The following IARS1 variants were observed in gnomAD, a reference collection of about 807,000 sequenced individuals.
IARS1 encodes isoleucine--tRNA ligase, cytoplasmic.
IARS1 carries 124 observed loss-of-function variants against 168.2 expected under a neutral mutation model. That is an observed-to-expected ratio of 0.74 (90% CI 0.64 to 0.86). The LOEUF (loss-of-function observed/expected upper bound fraction) is 0.86. IARS1 is among the 40% of genes least tolerant of loss of function. The pLI, the probability that IARS1 is intolerant of heterozygous loss-of-function variation, is 0.00. For synonymous variants in IARS1, 532 were observed against 529.4 expected, an observed-to-expected ratio of 1.00 and a Z score of -0.07; for missense variants, 1,452 against 1,515.8, an observed-to-expected ratio of 0.96 and a Z score of 0.70.
chr9:92,253,756 A>G (rs2133733546), intron 20 of IARS1: 2 of 511,116 alleles, frequency 3.9e-6, no homozygotes, highest in South Asian at 3.1e-5. Context: ...AAGACTGCCC[A>G]CTACACAACT....
intron 31 of IARS1, among the ~76,000 whole-genome samples, chr9:92,227,404 TCCCGGACAGGGCGGC>T (rs1825880911): frequency 7.1e-6 from 1 of 140,746 alleles, no homozygotes; most frequent in Non-Finnish European, 1.6e-5. Context: ...GCCCCTCACC[TCCCGGACAGGGCGGC>T]TGGCCGGGCG....
In IARS1 at chr9:92,223,262, C is replaced by G. The variant is rs1839920076; in HGVS notation, c.3553+84G>C. Reference sequence around the variant, plus strand: ...CTTTAAAGCAATACTTTGAAGCCGACTAGAAATACACACATATTTGAATAT... The same window carrying G: ...CTTTAAAGCAATACTTTGAAGCCGAGTAGAAATACACACATATTTGAATAT... On this transcript the variant is annotated intron_variant, in intron 32 of 33. Transcript: ENST00000443024. 2.3e-6 allele frequency: 3 copies of G among 1,301,328 alleles called. No homozygotes were observed. In the East Asian group the frequency reaches 7.1e-5, roughly 31 times the overall value. The allele number at this position is 1,301,328 out of a possible 1,614,324, so 80.6% of individuals were successfully genotyped here. A position where few individuals can be genotyped will look rare whatever the true frequency, so the allele number is the denominator to read the frequency against.
Position 92,223,389 on chromosome 9 carries a change from A to AT in IARS1, c.3509_3510insA (p.Cys1171LeufsTer27), listed in dbSNP as rs1364780761. 5.0e-6 allele frequency: 8 copies of AT among 1,613,812 alleles called. No individual in the cohort carries two copies. On this transcript the variant is annotated frameshift_variant, in exon 32 of 34. Transcript: ENST00000443024. LOFTEE classifies it high-confidence loss of function. ...GGAGCTGTAGGTTGATATACTGACA[A>AT]AGAAGAGTACTAGAACTGTTGATCA...
chr9:92,246,072 A>C (rs560671005), intron 26 of IARS1, among the ~76,000 whole-genome samples: 1 of 152,184 alleles, frequency 6.6e-6, no homozygotes. Context: ...CACCACCCCC[A>C]GCCATCTCAG....
chr9:92,289,562 A>G (rs995597475), intron 1 of IARS1, 136 bp from the exon 2 acceptor site: 44 of 605,380 alleles, frequency 7.3e-5, no homozygotes, highest in African/African-American at 7.1e-4. Context: ...CAATTTACAT[A>G]GTGTAATGTA....
intron 33 of IARS1, among the ~76,000 whole-genome samples, chr9:92,211,289 T>C (rs72750405): frequency 0.03 from 4,517 of 152,258 alleles, 103 homozygotes; most frequent in South Asian, 0.079. Flanking sequence ...GTTGGTAATA[T>C]AGTCTCTGTG....
intron 33 of IARS1, 46 bp from the exon 34 acceptor site, chr9:92,210,935 T>A (rs200889784): frequency 8.1e-7 from 1 of 1,229,106 alleles, no homozygotes; most frequent in Non-Finnish European, 1.2e-6. Context: ...ATTTTACCTA[T>A]TGGGGGTGAA....
intron 30 of IARS1, among the ~76,000 whole-genome samples, chr9:92,233,170 T>C (rs1054146417): frequency 3.3e-5 from 5 of 152,228 alleles, no homozygotes; most frequent in African/African-American, 1.2e-4. Context: ...CTTCTTTAAC[T>C]TGTACAAATA....
intron 20 of IARS1, 75 bp from the exon 21 acceptor site, chr9:92,253,528 C>T (rs1472328220): frequency 1.1e-6 from 1 of 900,952 alleles, no homozygotes; most frequent in African/African-American, 1.7e-5. Context: ...TTGGATACAA[C>T]AAAGAAGGGG....
intron 14 of IARS1, among the ~76,000 whole-genome samples, chr9:92,265,834 T>G (rs1832218136): frequency 6.6e-6 from 1 of 152,072 alleles, no homozygotes; most frequent in South Asian, 2.1e-4. Flanking sequence ...ATTTTTTGTA[T>G]TTTTAGTAAA....
intron 1 of IARS1, 120 bp downstream of exon 1, chr9:92,293,491 G>C: frequency 1.9e-6 from 1 of 530,172 alleles, no homozygotes; most frequent in South Asian, 1.4e-5. Flanking sequence ...CGAACGAACG[G>C]CAAGCCCCGA....
In IARS1 at chr9:92,249,913, T is replaced by G; in HGVS notation, c.2561A>C (p.His854Pro). Reference sequence around the variant, plus strand: ...ATCTTTAAGAGCTTCTGGATCTTGATGGATAACCACAATTTCTTTCAAAGG... The same window carrying G: ...ATCTTTAAGAGCTTCTGGATCTTGAGGGATAACCACAATTTCTTTCAAAGG... ...KYPLKEIVVI[H>P]QDPEALKDIK... The change falls in exon 25 of 34, where the codon CAT becomes CCT. Residue 854 changes from histidine (H) to proline (P), a missense_variant. Physicochemically the swap from His to Pro is moderately conservative, Grantham distance 77. Transcript: ENST00000443024. 2 of 1,606,450 alleles carry G rather than the reference T, an allele frequency of 1.2e-6. No homozygotes were observed. The highest frequency in any genetic ancestry group is 1.7e-6 in the Non-Finnish European group (2 of 1,173,326).
intron 31 of IARS1, among the ~76,000 whole-genome samples, chr9:92,227,852 C>T (rs1275351210): frequency 6.7e-6 from 1 of 149,672 alleles, no homozygotes; most frequent in African/African-American, 2.5e-5. Flanking sequence ...ACTTTCCAGA[C>T]TGGGCAGCCA....
intron 12 of IARS1, 104 bp downstream of exon 12, chr9:92,270,881 T>C: frequency 1.4e-6 from 1 of 718,126 alleles, no homozygotes; most frequent in Non-Finnish European, 2.2e-6. Context: ...CTCTAAAGGA[T>C]ACAAGTGAGA....
At chr9:92,268,497 T>C (rs1401534618) in intron 13 of IARS1, among the ~76,000 whole-genome samples, 197 bp from the exon 14 acceptor site, 1 of 152,144 alleles carries the variant, frequency 6.6e-6, no homozygotes. Context: ...ATGACCTACA[T>C]CCAATAGATT....
At chr9:92,235,674 G>GCGC (rs1332072688) in intron 30 of IARS1, among the ~76,000 whole-genome samples, 2 of 151,488 alleles carry the variant, frequency 1.3e-5, no homozygotes, top group Non-Finnish European at 2.9e-5. Context: ...TTACAGGCAC[G>GCGC]CGCCACCATG....
In IARS1 at chr9:92,271,823, C is replaced by G. The variant is rs138811772; in HGVS notation, c.991-168G>C. Among the ~76,000 whole-genome samples the G allele has an allele frequency of 1.2e-4, 19 of 152,306 alleles. No individual in the cohort carries two copies. The East Asian group carries it at 3.7e-3, about 29-fold the overall frequency. On this transcript the variant is annotated intron_variant, in intron 10 of 33. Coordinates refer to ENST00000443024, the MANE Select transcript of IARS1 (RefSeq NM_002161.6). ...GACCATTCGGAGAATCAGACCCTCA[C>G]AGTTGGACAGGGGTTAGGTCACCCA... is the stretch of plus-strand genomic sequence containing the variant.
intron 29 of IARS1, among the ~76,000 whole-genome samples, chr9:92,241,232 G>A (rs964708899): frequency 6.6e-6 from 1 of 152,118 alleles, no homozygotes; most frequent in Non-Finnish European, 1.5e-5. Flanking sequence ...ACTGCAACTC[G>A]CCTCACTGAA....
At position 92,251,591 on chromosome 9, in the gene IARS1, C is replaced by G. The variant is rs116736747; in HGVS notation, c.2307+217G>C. Among the ~76,000 whole-genome samples, 1,479 of 152,294 alleles carry G rather than the reference C, an allele frequency of 9.7e-3. 22 individuals are homozygous for G. Among genetic ancestry groups the G allele is most frequent in the African/African-American group, 0.031 (1,300 of 41,544 alleles). On this transcript the variant is annotated intron_variant, in intron 22 of 33. Coordinates refer to ENST00000443024, the MANE Select transcript of IARS1 (RefSeq NM_002161.6). ...CTGACATATATTGTACTGCCAGAGA[C>G]TGTAAGAAAGAATCTAGTATTTCTT...
Sources: allele counts gnomAD v4.1 joint callset (sites outside exome capture counted in the v4.1 genomes callset), GRCh38; gene constraint gnomAD v4.1.1; transcripts MANE v1.5; gene names NCBI Gene and HGNC (gene_info 2026-07-23, HGNC 2026-07-21).